The following KIAA1217 variants were observed in gnomAD, a reference collection of about 807,000 sequenced individuals.
The protein encoded by KIAA1217 is KIAA1217, also known as sickle tail protein homolog.
In KIAA1217, 88 loss-of-function variants were observed where a neutral mutation model predicts 163.9. The ratio of observed to expected loss-of-function variants is 0.54; its 90% confidence interval spans 0.45 to 0.64. The LOEUF is 0.64. Among genes scored for constraint, KIAA1217 ranks in the 30% least tolerant of loss-of-function variants. KIAA1217 has a pLI of 0.00. For missense variants in KIAA1217, 2,372 were observed against 2,475.0 expected (o/e 0.96, Z 0.88); for synonymous variants, 903 against 923.1 (o/e 0.98, Z 0.39).
chr10:24,360,916 TAGAAACAAATC>T (rs1183911098), intron 2 of KIAA1217, among the ~76,000 whole-genome samples: 1 of 150,828 alleles, frequency 6.6e-6, no homozygotes, highest in Non-Finnish European at 1.5e-5. Flanking sequence ...TTTTTGGAGG[TAGAAACAAATC>T]AGAAAAGCAA....
chr10:23,953,311 A>G (rs965154137), intron 1 of KIAA1217, among the ~76,000 whole-genome samples: 21 of 152,366 alleles, frequency 1.4e-4, no homozygotes, highest in South Asian at 1.2e-3. Flanking sequence ...GATGCAAGTC[A>G]ATAACGATTC....
intron 1 of KIAA1217, among the ~76,000 whole-genome samples, chr10:23,959,014 C>G (rs117509169): frequency 6.6e-6 from 1 of 150,462 alleles, no homozygotes; most frequent in South Asian, 2.1e-4. Context: ...GCCACGCTCT[C>G]GAACCATGGG....
intron 2 of KIAA1217, among the ~76,000 whole-genome samples, chr10:24,364,333 C>T (rs1212148242): frequency 1.3e-5 from 2 of 152,188 alleles, no homozygotes; most frequent in East Asian, 3.9e-4. Flanking sequence ...AGCCGTAAAT[C>T]AAGCTTGTAA....
chr10:24,288,124 A>G (rs867515758), intron 2 of KIAA1217, among the ~76,000 whole-genome samples: 1 of 152,202 alleles, frequency 6.6e-6, no homozygotes, highest in South Asian at 2.1e-4. Context: ...CCTACTCAGA[A>G]GCCTACTCCC....
chr10:24,202,458 T>C (rs1032255253), intron 2 of KIAA1217, among the ~76,000 whole-genome samples: 33 of 152,164 alleles, frequency 2.2e-4, no homozygotes, highest in African/African-American at 7.0e-4. Context: ...AGTCACAGGC[T>C]TCTCCTTCTC....
intron 1 of KIAA1217, among the ~76,000 whole-genome samples, chr10:23,835,365 A>ATT (rs138808738): frequency 6.6e-6 from 1 of 151,112 alleles, no homozygotes; most frequent in African/African-American, 2.4e-5. Flanking sequence ...AAATGGAGTG[A>ATT]TTTTTTTTTG....
chr10:24,127,042 G>T (rs2063494494), intron 2 of KIAA1217, among the ~76,000 whole-genome samples: 1 of 152,030 alleles, frequency 6.6e-6, no homozygotes, highest in South Asian at 2.1e-4. Context: ...TTTCTAAGTG[G>T]TTATAGTAGG....
chr10:23,816,747 G>C (rs11597719), intron 1 of KIAA1217, among the ~76,000 whole-genome samples: 1 of 151,984 alleles, frequency 6.6e-6, no homozygotes, highest in South Asian at 2.1e-4. Context: ...ATAATTGGAA[G>C]GGCAATTGGA....
At chr10:23,790,366 C>CATATGCATATATGCAT (rs1835777437) in intron 1 of KIAA1217, among the ~76,000 whole-genome samples, 4 of 95,170 alleles carry the variant, frequency 4.2e-5, no homozygotes, top group African/African-American at 1.1e-4. Flanking sequence ...TGCATATATA[C>CATATGCATATATGCAT]ATATACATAT....
chr10:24,368,970 G>T (rs2051180229), intron 2 of KIAA1217: 1 of 587,592 alleles, frequency 1.7e-6, no homozygotes, highest in African/African-American at 2.1e-5. Flanking sequence ...TGAGAACCGA[G>T]GTTCAGAAAG....
At chr10:24,357,652 G>T (rs1234329401) in intron 2 of KIAA1217, among the ~76,000 whole-genome samples, 2 of 152,204 alleles carry the variant, frequency 1.3e-5, no homozygotes, top group African/African-American at 4.8e-5. Flanking sequence ...GGGGGGTTCT[G>T]AGTATTTTTG....
intron 1 of KIAA1217, among the ~76,000 whole-genome samples, chr10:23,968,748 TC>T (rs1459757175): frequency 1.3e-5 from 2 of 152,212 alleles, no homozygotes; most frequent in African/African-American, 4.8e-5. Flanking sequence ...ATGACTGACT[TC>T]TTTAATTTTG....
chr10:23,710,450 G>A (rs1167337727), intron 1 of KIAA1217, among the ~76,000 whole-genome samples: 1 of 152,210 alleles, frequency 6.6e-6, no homozygotes, highest in Non-Finnish European at 1.5e-5. Flanking sequence ...AGATGACTTT[G>A]TAGATAATGA....
At chr10:23,754,035 T>C (rs920944046) in intron 1 of KIAA1217, among the ~76,000 whole-genome samples, 1 of 152,152 alleles carries the variant, frequency 6.6e-6, no homozygotes, top group Admixed American at 6.5e-5. Context: ...GAGTTAACCC[T>C]TTCTTGATTC....
intron 1 of KIAA1217, among the ~76,000 whole-genome samples, chr10:23,833,329 C>T (rs1838298567): frequency 6.6e-6 from 1 of 152,006 alleles, no homozygotes; most frequent in African/African-American, 2.4e-5. Flanking sequence ...CAACCACAGC[C>T]TCAGTCAGCA....
intron 1 of KIAA1217, among the ~76,000 whole-genome samples, chr10:23,990,881 A>G (rs1374825031): frequency 6.6e-6 from 1 of 152,230 alleles, no homozygotes; most frequent in African/African-American, 2.4e-5. Flanking sequence ...TTATAAGAGT[A>G]TAGAATTTTA....
At chr10:24,377,407 C>T (rs2052658979) in intron 2 of KIAA1217, among the ~76,000 whole-genome samples, 1 of 152,108 alleles carries the variant, frequency 6.6e-6, no homozygotes, top group South Asian at 2.1e-4. Context: ...AGGCATAGCT[C>T]TCCACTCAGC....
chr10:24,508,551 TTTAC>T (rs2068674443), intron 9 of KIAA1217, among the ~76,000 whole-genome samples: 1 of 152,194 alleles, frequency 6.6e-6, no homozygotes, highest in South Asian at 2.1e-4. Context: ...TCTAATTGGC[TTTAC>T]TCACAAATGA....
chr10:23,709,252 G>A (rs1252610392), intron 1 of KIAA1217, among the ~76,000 whole-genome samples: 5 of 152,108 alleles, frequency 3.3e-5, no homozygotes, highest in African/African-American at 7.2e-5. Context: ...AGGTGGGTGC[G>A]GTGGCTCACA....
Sources: gnomAD v4.1 joint callset for allele counts (sites outside exome capture counted in the v4.1 genomes callset) on GRCh38, gnomAD v4.1.1 for gene constraint, MANE v1.5 for transcripts, NCBI Gene and HGNC (gene_info 2026-07-23, HGNC 2026-07-21) for gene names.